The following KDM2B variants were observed in gnomAD, a reference collection of about 807,000 sequenced individuals.
KDM2B encodes the protein lysine demethylase 2B, also known as lysine-specific demethylase 2B.
Under a neutral mutation model 150.0 loss-of-function variants are expected in KDM2B, and 26 were observed. The observed-to-expected ratio is 0.17, with a 90% CI of 0.13 to 0.24. The LOEUF is 0.24. Ranked by LOEUF, KDM2B falls within the 10% of genes least tolerant of loss-of-function variation. The pLI, the probability that KDM2B is intolerant of heterozygous loss-of-function variation, is 1.00. For synonymous variants in KDM2B, 734 were observed against 729.5 expected (o/e 1.01, Z -0.10); for missense variants, 1,265 against 1,816.9 (o/e 0.70, Z 5.52).
chr12:121,416,381 A>G, the KDM2B span: 2 of 1,589,446 alleles, frequency 1.3e-6, no homozygotes, highest in Non-Finnish European at 1.7e-6. Flanking sequence ...AAAGAAGGTG[A>G]GTTGGATGAA....
At chr12:121,491,654 C>T (rs1204694391) in intron 12 of KDM2B, among the ~76,000 whole-genome samples, 2 of 151,714 alleles carry the variant, frequency 1.3e-5, no homozygotes, top group African/African-American at 4.8e-5. Flanking sequence ...ATTTGCCGGG[C>T]GTGGTGGTAC....
Position 121,513,844 on chromosome 12 carries a change from G to C in KDM2B, c.1048-442C>G, listed in dbSNP as rs780874909. ...GTTCCTCCCTCCTGCTTGAAAACCA[G>C]AAATCAACTTCCAAGCCTTATCTAT... On this transcript the variant is annotated intron_variant, in intron 9 of 22. Coordinates refer to ENST00000377071, the MANE Select transcript of KDM2B (RefSeq NM_032590.5). The surrounding 1 kb of genome is among the most constrained non-coding windows in gnomAD (Gnocchi z 5.0). 6.6e-6 allele frequency among the ~76,000 whole-genome samples: 1 copy of C among 152,166 alleles called. No homozygotes were observed. The highest frequency in any genetic ancestry group is 1.5e-5 in the Non-Finnish European group (1 of 68,044).
the KDM2B span, chr12:121,415,378 CA>C: frequency 3.5e-6 from 1 of 288,204 alleles, no homozygotes; most frequent in South Asian, 2.7e-5. Context: ...CTGAGCACTT[CA>C]GGAGGCCAAG....
At chr12:121,414,032 G>A in the KDM2B span, among the ~76,000 whole-genome samples, 2 of 152,120 alleles carry the variant, frequency 1.3e-5, no homozygotes, top group Admixed American at 6.5e-5. Flanking sequence ...CATTACTTCT[G>A]GGTAATAGCA....
At chr12:121,515,579 T>C (rs1886101543) in intron 9 of KDM2B, among the ~76,000 whole-genome samples, 1 of 137,184 alleles carries the variant, frequency 7.3e-6, no homozygotes, top group African/African-American at 2.8e-5. Flanking sequence ...AATAAACAGG[T>C]GACATTCCCC....
Position 121,513,453 on chromosome 12 carries a change from G to C in KDM2B, c.1048-51C>G, listed in dbSNP as rs1246003382. On this transcript the variant is annotated intron_variant, in intron 9 of 22. Coordinates refer to ENST00000377071, the MANE Select transcript of KDM2B (RefSeq NM_032590.5). The surrounding 1 kb of genome is among the most constrained non-coding windows in gnomAD (Gnocchi z 5.0). ...GAGGTCAGTTTCCAGAGGGCGAAGG[G>C]GGAAGGAGGGAGAGAAGTGCGGGGC... 5.6e-6 allele frequency: 9 copies of C among 1,593,794 alleles called. No individual in the cohort carries two copies. Among genetic ancestry groups the C allele is most frequent in the Non-Finnish European group, 7.7e-6 (9 of 1,164,152 alleles).
chr12:121,552,913 C>CCA (rs782385257), intron 4 of KDM2B, among the ~76,000 whole-genome samples: 1 of 151,986 alleles, frequency 6.6e-6, no homozygotes, highest in East Asian at 1.9e-4. Context: ...TCCAGGAGGC[C>CCA]CACCTGGCAG....
downstream of KDM2B, among the ~76,000 whole-genome samples, chr12:121,424,730 A>G (rs900949433): frequency 5.9e-5 from 9 of 152,056 alleles, no homozygotes; most frequent in Non-Finnish European, 1.0e-4. Flanking sequence ...AAAAAAGAAA[A>G]AAAAGAAAAA....
At chr12:121,581,482 C>G (rs767624787), upstream of KDM2B, among the ~76,000 whole-genome samples, 1 of 152,204 alleles carries the variant, frequency 6.6e-6, no homozygotes, top group Non-Finnish European at 1.5e-5. Context: ...GTCTTGTCCT[C>G]CCATCATGAG....
chr12:121,504,265 T>C (rs568253565), intron 11 of KDM2B, among the ~76,000 whole-genome samples: 1 of 152,274 alleles, frequency 6.6e-6, no homozygotes, highest in Admixed American at 6.5e-5. Context: ...TCTTGCTATG[T>C]TGCCAAAGTC....
At chr12:121,546,710 C>CTT (rs782586889) in intron 6 of KDM2B, among the ~76,000 whole-genome samples, 1 of 127,792 alleles carries the variant, frequency 7.8e-6, no homozygotes, top group Non-Finnish European at 1.7e-5. Context: ...GCCTCTTTGT[C>CTT]TTTTTTTTTT....
chr12:121,423,071 A>G, the KDM2B span, among the ~76,000 whole-genome samples: 33 of 152,364 alleles, frequency 2.2e-4, no homozygotes, highest in South Asian at 1.0e-3. The surrounding 1 kb of genome is among the most constrained non-coding windows in gnomAD (Gnocchi z 4.3). Context: ...TTTTCTAGTT[A>G]CAGAAGTAAT....
rs180852030 is a variant in KDM2B, at chr12:121,446,347, G to A, written c.1960-929C>T. Among the ~76,000 whole-genome samples the A allele has an allele frequency of 9.3e-4, 141 of 152,276 alleles. 2 individuals carry two copies. Among genetic ancestry groups the A allele is most frequent in the Admixed American group, 1.8e-3 (27 of 15,290 alleles). ...CGGAAGACAGAGGTTGCAGTGAGCC[G>A]AGACCATGCCACTGCACTCCAGCCT... On this transcript the variant is annotated intron_variant, in intron 13 of 22. Coordinates refer to ENST00000377071, the MANE Select transcript of KDM2B (RefSeq NM_032590.5).
intron 12 of KDM2B, among the ~76,000 whole-genome samples, chr12:121,454,739 C>T (rs1460534677): frequency 6.6e-5 from 10 of 152,152 alleles, no homozygotes; most frequent in African/African-American, 2.4e-4. Flanking sequence ...TAACTGAACA[C>T]CCTTTGGTCC....
At chr12:121,530,385 G>A (rs1404665411) in intron 8 of KDM2B, among the ~76,000 whole-genome samples, 2 of 152,086 alleles carry the variant, frequency 1.3e-5, no homozygotes, top group African/African-American at 4.8e-5. Context: ...TTTAGTGTCA[G>A]AATAGACCAT....
intron 11 of KDM2B, among the ~76,000 whole-genome samples, chr12:121,508,938 C>T (rs1212328791): frequency 1.3e-5 from 2 of 152,174 alleles, no homozygotes; most frequent in African/African-American, 2.4e-5. Flanking sequence ...GTTCGTCTCT[C>T]GAGGCCAGTG....
intron 12 of KDM2B, among the ~76,000 whole-genome samples, chr12:121,465,167 A>G (rs1187356955): frequency 2.0e-5 from 3 of 152,176 alleles, no homozygotes; most frequent in African/African-American, 4.8e-5. Flanking sequence ...CGGCTTGACC[A>G]ATGTGAGAAG....
intron 14 of KDM2B, chr12:121,444,830 T>TG (rs1202210564): frequency 9.0e-5 from 45 of 499,070 alleles, no homozygotes; most frequent in South Asian, 3.2e-4. Flanking sequence ...CCCATCTCAC[T>TG]GGGGGGGTAT....
rs1295567899 is a variant in KDM2B, at chr12:121,575,016, C to T, written c.351-423G>A. Among the ~76,000 whole-genome samples the T allele has an allele frequency of 3.9e-5, 6 of 152,150 alleles. No homozygotes were observed. Among genetic ancestry groups the T allele is most frequent in the African/African-American group, 1.4e-4 (6 of 41,412 alleles). On this transcript the variant is annotated intron_variant, in intron 3 of 22. Transcript: ENST00000377071. This position sits in a 1 kb window ranked among gnomAD's most constrained non-coding sequence, Gnocchi z 4.4. The stretch of plus-strand genomic sequence containing the variant: ...GAGTTTTATGCAAAGTGGGACGGAC[C>T]CCTTTAAGTTCAGAGGGAAAAAAAG...
Sources: gnomAD v4.1 joint callset for allele counts (sites outside exome capture counted in the v4.1 genomes callset) on GRCh38, gnomAD v4.1.1 for gene constraint, Gnocchi (gnomAD v3.1) non-coding constraint, MANE v1.5 for transcripts, NCBI Gene and HGNC (gene_info 2026-07-23, HGNC 2026-07-21) for gene names.